The following DCAF5 variants were observed in gnomAD, a reference collection of about 807,000 sequenced individuals.
DCAF5 encodes DDB1 and CUL4 associated factor 5.
DCAF5 carries 9 observed loss-of-function variants against 80.7 expected under a neutral mutation model. That is an observed-to-expected ratio of 0.11 (90% CI 0.07 to 0.19). The LOEUF (loss-of-function observed/expected upper bound fraction) is 0.19. DCAF5 is among the 10% of genes least tolerant of loss of function. DCAF5 has a pLI of 1.00. For missense variants in DCAF5, 842 were observed against 1,205.7 expected (o/e 0.70, Z 4.47); for synonymous variants, 433 against 461.9 (o/e 0.94, Z 0.80).
intron 6 of DCAF5, chr14:69,089,207 A>C (rs186796041): frequency 1.3e-5 from 2 of 152,796 alleles, no homozygotes; most frequent in East Asian, 1.9e-4. Context: ...CTCAAGATTT[A>C]CTTCAACAAA....
chr14:69,053,905 T>A lies in DCAF5; in HGVS notation c.2781A>T (p.Glu927Asp). 6.2e-7 allele frequency: 1 copy of A among 1,612,200 alleles called. No individual in the cohort carries two copies. The highest frequency in any genetic ancestry group is 8.5e-7 in the Non-Finnish European group (1 of 1,179,678). ...AGGAGGAATTCTCTGAATCTGTATC[T>A]TCCAATTCAATTCGTTGCCTTTTGA... ...SGLKRQRIELEDTDSENSSSE... is the reference protein window; with the variant it reads ...SGLKRQRIELDDTDSENSSSE... Residue 927 changes from glutamate (E) to aspartate (D), a missense_variant, in exon 9 of 9, where the codon GAA (glutamate) becomes GAT (aspartate). Physicochemically the swap from Glu to Asp is conservative, Grantham distance 45. Coordinates refer to ENST00000341516, the MANE Select transcript of DCAF5 (RefSeq NM_003861.3).
chr14:69,096,328 A>G (rs1426515911), intron 5 of DCAF5, among the ~76,000 whole-genome samples: 1 of 152,226 alleles, frequency 6.6e-6, no homozygotes, highest in Non-Finnish European at 1.5e-5. Flanking sequence ...AGGAAGACAC[A>G]TTGCGATCTG....
chr14:69,096,868 C>T (rs2039731684), intron 5 of DCAF5, among the ~76,000 whole-genome samples: 1 of 152,074 alleles, frequency 6.6e-6, no homozygotes, highest in South Asian at 2.1e-4. Flanking sequence ...ATAGTATCAG[C>T]CCTGACCTCA....
rs559804051 is a variant in DCAF5 at position 69,093,322 on chromosome 14, T to G, written c.666-1435A>C. ...TGCAGACATTATTGTCATGGATAGG[T>G]AGTGATCCCAGTAGTTTTAGAGAAA... On this transcript the variant is annotated intron_variant, in intron 5 of 8. Transcript: ENST00000341516. Among the ~76,000 whole-genome samples the G allele has an allele frequency of 2.6e-5, 4 of 152,176 alleles. No individual in the cohort carries two copies. In the East Asian group the frequency reaches 7.7e-4, roughly 29 times the overall value.
chr14:69,088,001 A>G lies in DCAF5; in HGVS notation c.879+3673T>C, dbSNP rs557436901. Among the ~76,000 whole-genome samples, 52 of 152,318 alleles carry G rather than the reference A, an allele frequency of 3.4e-4. 1 individual carries two copies. In the South Asian group the frequency reaches 0.011, roughly 32 times the overall value. On this transcript the variant is annotated intron_variant, in intron 6 of 8. Coordinates refer to ENST00000341516, the MANE Select transcript of DCAF5 (RefSeq NM_003861.3). Reference sequence around the variant, plus strand: ...TATGAATTTGTTGTAATATTTTAAAACCAAGAGACCTTACATAAAAATCTT... The same window carrying G: ...TATGAATTTGTTGTAATATTTTAAAGCCAAGAGACCTTACATAAAAATCTT...
At chr14:69,090,031 C>A in intron 6 of DCAF5, 1 of 985,440 alleles carries the variant, frequency 1.0e-6, no homozygotes, top group Non-Finnish European at 1.2e-6. Flanking sequence ...AAGAAAATCA[C>A]CTTTCCCTCA....
chr14:69,131,451 G>A (rs995725007), intron 1 of DCAF5, among the ~76,000 whole-genome samples: 3 of 152,150 alleles, frequency 2.0e-5, no homozygotes, highest in African/African-American at 7.2e-5. Context: ...GCCCAGCTAC[G>A]TCAGTGGATG....
intron 1 of DCAF5, among the ~76,000 whole-genome samples, chr14:69,124,490 T>C (rs898358906): frequency 6.6e-6 from 1 of 152,248 alleles, no homozygotes; most frequent in Non-Finnish European, 1.5e-5. Flanking sequence ...TTGAATTCCT[T>C]TGTTTCTTGA....
Position 69,062,326 on chromosome 14 carries a change from C to T in DCAF5, c.1074+58G>A. ...GGTCCTACATAAATTGTTCTAGTTT[C>T]TTCTAATTATAAATTGTGAGAATTT... is the stretch of plus-strand genomic sequence containing the variant. On this transcript the variant is annotated intron_variant, in intron 8 of 8. Transcript: ENST00000341516. 6 of 1,587,066 alleles carry T rather than the reference C, an allele frequency of 3.8e-6. No individual in the cohort carries two copies. The South Asian group carries it at 5.6e-5, about 15-fold the overall frequency.
At chr14:69,100,066 G>T (rs1031484670) in intron 5 of DCAF5, among the ~76,000 whole-genome samples, 4 of 152,098 alleles carry the variant, frequency 2.6e-5, no homozygotes, top group African/African-American at 9.7e-5. Context: ...GAATTCAGCA[G>T]GTATTAAATA....
intron 6 of DCAF5, among the ~76,000 whole-genome samples, chr14:69,078,350 A>C (rs1453798118): frequency 6.6e-6 from 1 of 152,232 alleles, no homozygotes; most frequent in African/African-American, 2.4e-5. Context: ...CCTCATACCC[A>C]TCAGAATGGT....
At chr14:69,083,815 A>G (rs765257790) in intron 6 of DCAF5, 10 of 719,358 alleles carry the variant, frequency 1.4e-5, no homozygotes, top group Non-Finnish European at 2.5e-5. Context: ...CAAGTCTCCT[A>G]AAGAAACAGA....
At chr14:69,056,623 G>T (rs1830962458) in intron 8 of DCAF5, among the ~76,000 whole-genome samples, 1 of 152,186 alleles carries the variant, frequency 6.6e-6, no homozygotes, top group South Asian at 2.1e-4. Context: ...CTTCTTGCCT[G>T]ACAGGCTGGT....
chr14:69,058,665 A>G (rs762561818), intron 8 of DCAF5, among the ~76,000 whole-genome samples: 5 of 152,072 alleles, frequency 3.3e-5, no homozygotes, highest in Non-Finnish European at 5.9e-5. Context: ...GCTTGAGCCC[A>G]GGAATTTGAG....
intron 6 of DCAF5, among the ~76,000 whole-genome samples, chr14:69,075,740 T>G (rs1391594681): frequency 2.0e-5 from 3 of 152,178 alleles, no homozygotes; most frequent in Non-Finnish European, 4.4e-5. Flanking sequence ...GGCCTTGGCC[T>G]CCCAAAGTGC....
chr14:69,099,251 AACACACACACACACACACAC>A (rs60913200), intron 5 of DCAF5, among the ~76,000 whole-genome samples: 28 of 124,350 alleles, frequency 2.3e-4, no homozygotes, highest in African/African-American at 7.5e-4. Flanking sequence ...ACTCTGTCTC[AACACACACACACACACACAC>A]ACACACACAC....
chr14:69,124,441 C>T (rs2040816193), intron 1 of DCAF5, among the ~76,000 whole-genome samples: 2 of 152,176 alleles, frequency 1.3e-5, no homozygotes, highest in South Asian at 4.1e-4. Flanking sequence ...CCAAATCATA[C>T]TTATTCTCCT....
Position 69,054,340 on chromosome 14 carries a change from TC to T in DCAF5, c.2345del (p.Gly782GlufsTer4). The T allele has an allele frequency of 6.2e-7, 1 of 1,614,220 alleles. No homozygotes were observed. The highest frequency in any genetic ancestry group is 8.5e-7 in the Non-Finnish European group (1 of 1,180,042). On this transcript the variant is annotated frameshift_variant, in exon 9 of 9. Coordinates refer to ENST00000341516, the MANE Select transcript of DCAF5 (RefSeq NM_003861.3). LOFTEE classifies it high-confidence loss of function. ...CCTCAGCCCGACTGCTCAGGGCCTT[TC>T]CATTGAGCTTCTTGGTTTCAAAAGG... ...EHPFETKKLN[G>X]KALSSRAEEP...
intron 7 of DCAF5, among the ~76,000 whole-genome samples, chr14:69,068,133 A>C (rs568129371): frequency 6.6e-6 from 1 of 152,192 alleles, no homozygotes; most frequent in Non-Finnish European, 1.5e-5. Context: ...CATCGAGTGC[A>C]TATGTCTGTG....
Sources: allele counts gnomAD v4.1 joint callset (sites outside exome capture counted in the v4.1 genomes callset), GRCh38; gene constraint gnomAD v4.1.1; transcripts MANE v1.5; gene names NCBI Gene and HGNC (gene_info 2026-07-23, HGNC 2026-07-21).